Variants in COL19A1 observed in about 807,000 individuals in gnomAD.
COL19A1 encodes collagen alpha-1(XIX) chain.
In COL19A1, 159 loss-of-function variants were observed where a neutral mutation model predicts 190.2. The ratio of observed to expected loss-of-function variants is 0.84; its 90% CI spans 0.73 to 0.95. The LOEUF (loss-of-function observed/expected upper bound fraction) is 0.95. Ranked by LOEUF, COL19A1 falls within the 40% of genes least tolerant of loss-of-function variation. The probability of loss-of-function intolerance (pLI) is 0.00; values close to 1 mark genes in which losing one functional copy is unlikely to be tolerated. For missense variants in COL19A1, 1,418 were observed against 1,431.9 expected, an observed-to-expected ratio of 0.99 and a Z score of 0.16; for synonymous variants, 509 against 458.9, an observed-to-expected ratio of 1.11 and a Z score of -1.39.
chr6:69,950,632 A>G (rs1774069734), intron 9 of COL19A1, among the ~76,000 whole-genome samples: 1 of 150,952 alleles, frequency 6.6e-6, no homozygotes. Context: ...TCCATTTCCA[A>G]GAGAAGTGAA....
At chr6:70,065,027 A>T (rs1165541429) in intron 14 of COL19A1, among the ~76,000 whole-genome samples, 1 of 152,222 alleles carries the variant, frequency 6.6e-6, no homozygotes, top group African/African-American at 2.4e-5. Flanking sequence ...AAATGGCCAT[A>T]CTGCCCAAGG....
At position 70,210,072 on chromosome 6, in the gene COL19A1, GAATTATTC is replaced by G. The variant is rs1171782577; in HGVS notation, c.*2803_*2810del. The G allele has an allele frequency of 6.6e-6, 1 of 152,056 alleles. No homozygotes were observed. The highest frequency in any genetic ancestry group is 1.5e-5 in the Non-Finnish European group (1 of 67,994). 9.4% of individuals were successfully genotyped at this position (152,056 alleles called of 1,614,324 possible). A position where few individuals can be genotyped will look rare whatever the true frequency, so the allele number is the denominator to read the frequency against. ...TAATGATGTTCAAAGCAGGGGAGAA[GAATTATTC>G]AATTTCATGAATAACTCTTGTTTGC... On this transcript the variant is annotated 3_prime_UTR_variant, in exon 51 of 51. Coordinates refer to ENST00000620364, the MANE Select transcript of COL19A1 (RefSeq NM_001858.6).
chr6:69,960,623 CTTTT>C (rs35552190), intron 10 of COL19A1, among the ~76,000 whole-genome samples: 11,150 of 109,258 alleles, frequency 0.1, 298 homozygotes, highest in East Asian at 0.19. Flanking sequence ...TGTGCCCCCA[CTTTT>C]TTTTTTTTTT....
At chr6:69,998,843 A>G (rs1051107441) in intron 11 of COL19A1, among the ~76,000 whole-genome samples, 9 of 152,164 alleles carry the variant, frequency 5.9e-5, no homozygotes, top group Non-Finnish European at 1.2e-4. Flanking sequence ...TATTTGTTTT[A>G]TCACATCCAT....
At chr6:69,932,679 A>T (rs1772854814) in intron 6 of COL19A1, 104 bp from the exon 7 acceptor site, 2 of 630,598 alleles carry the variant, frequency 3.2e-6, no homozygotes, top group Non-Finnish European at 2.8e-6. Context: ...TAATTTATTT[A>T]TATTAGCTTC....
intron 40 of COL19A1, 110 bp downstream of exon 40, chr6:70,168,791 A>ATGC: frequency 1.8e-6 from 2 of 1,140,592 alleles, no homozygotes; most frequent in Non-Finnish European, 2.6e-6. Flanking sequence ...ATCAATTAAC[A>ATGC]TGCTGGTGGT....
chr6:69,875,524 G>A (rs914797360), intron 1 of COL19A1, among the ~76,000 whole-genome samples: 9 of 152,208 alleles, frequency 5.9e-5, no homozygotes, highest in Non-Finnish European at 1.0e-4. Flanking sequence ...TCTGAACTGG[G>A]ATAGTGGCAG....
intron 11 of COL19A1, among the ~76,000 whole-genome samples, chr6:69,986,368 A>G (rs1368040699): frequency 6.6e-6 from 1 of 151,904 alleles, no homozygotes; most frequent in Non-Finnish European, 1.5e-5. Context: ...ATATACTTCA[A>G]TGAGAAGCAT....
chr6:70,122,112 G>T (rs764996717), intron 17 of COL19A1, among the ~76,000 whole-genome samples, 170 bp downstream of exon 17: 14 of 151,986 alleles, frequency 9.2e-5, no homozygotes, highest in Admixed American at 6.6e-5. Context: ...AATAAAAAAA[G>T]TATTCTGTTC....
intron 14 of COL19A1, among the ~76,000 whole-genome samples, chr6:70,037,963 T>C (rs910078540): frequency 6.6e-6 from 1 of 152,206 alleles, no homozygotes; most frequent in Non-Finnish European, 1.5e-5. Context: ...ATTGGGGTAT[T>C]ACTATTTTGT....
intron 14 of COL19A1, among the ~76,000 whole-genome samples, chr6:70,061,719 C>G (rs1383922120): frequency 1.3e-5 from 2 of 151,916 alleles, no homozygotes; most frequent in Admixed American, 6.6e-5. Context: ...ACTGAATGAG[C>G]TGTCAGCATT....
intron 4 of COL19A1, among the ~76,000 whole-genome samples, chr6:69,913,556 C>T (rs542558689): frequency 6.6e-6 from 1 of 152,140 alleles, no homozygotes; most frequent in South Asian, 2.1e-4. Flanking sequence ...GCCAAGGGGT[C>T]AATGTATGTT....
intron 5 of COL19A1, among the ~76,000 whole-genome samples, chr6:69,928,925 A>C (rs1284273352): frequency 6.6e-6 from 1 of 152,148 alleles, no homozygotes; most frequent in Non-Finnish European, 1.5e-5. Context: ...TGTCCTCTAT[A>C]AAATGTGTTT....
At chr6:70,047,896 G>A (rs1172010088) in intron 14 of COL19A1, among the ~76,000 whole-genome samples, 6 of 152,088 alleles carry the variant, frequency 3.9e-5, no homozygotes, top group Admixed American at 3.3e-4. Flanking sequence ...GGAGAGACAG[G>A]TGAAGGAAGG....
rs781099761 is a variant in COL19A1 at position 69,932,755 on chromosome 6, A to G, written c.667-28A>G. On this transcript the variant is annotated intron_variant, in intron 6 of 50. Transcript: ENST00000620364. Reference sequence around the variant, plus strand: ...TGAATGTGATTCCAAAAAACTAAAGATGTTTCTTATTACTAATTTTTTCAT... The same window carrying G: ...TGAATGTGATTCCAAAAAACTAAAGGTGTTTCTTATTACTAATTTTTTCAT... The G allele has an allele frequency of 5.7e-6, 8 of 1,393,110 alleles. No homozygotes were observed. In the Admixed American group the frequency reaches 1.4e-4, roughly 25 times the overall value. The allele number at this position is 1,393,110 out of a possible 1,614,324, so 86.3% of individuals were successfully genotyped here.
intron 11 of COL19A1, among the ~76,000 whole-genome samples, chr6:69,968,976 G>T (rs1775270372): frequency 2.0e-5 from 3 of 152,102 alleles, no homozygotes; most frequent in African/African-American, 7.2e-5. Flanking sequence ...ATATTTTTGT[G>T]TTCTGTGTTC....
At chr6:69,872,279 C>A (rs1188179465) in intron 1 of COL19A1, among the ~76,000 whole-genome samples, 1 of 151,902 alleles carries the variant, frequency 6.6e-6, no homozygotes, top group Non-Finnish European at 1.5e-5. Context: ...TGATTTATCC[C>A]CAGTGATTGT....
chr6:70,124,004 A>G (rs966907278), intron 17 of COL19A1, among the ~76,000 whole-genome samples: 3 of 151,942 alleles, frequency 2.0e-5, no homozygotes, highest in Admixed American at 6.6e-5. Context: ...AGTGGTTTAT[A>G]TACACAGTGG....
chr6:70,197,339 C>T (rs1025534924), intron 48 of COL19A1, among the ~76,000 whole-genome samples: 1 of 151,822 alleles, frequency 6.6e-6, no homozygotes, highest in Non-Finnish European at 1.5e-5. Context: ...AGGAGAATGG[C>T]GTGAACCCGG....
Sources: allele counts gnomAD v4.1 joint callset (sites outside exome capture counted in the v4.1 genomes callset), GRCh38; gene constraint gnomAD v4.1.1; transcripts MANE v1.5; gene names NCBI Gene and HGNC (gene_info 2026-07-23, HGNC 2026-07-21).